VAT1L: variants seen among roughly 807,000 people sequenced by gnomAD.
The protein encoded by VAT1L is putative NADPH-dependent quinone oxidoreductase VAT1L.
A neutral mutation model predicts 44.1 loss-of-function variants in VAT1L; 34 were observed. The ratio of observed to expected loss-of-function variants is 0.77; its 90% confidence interval spans 0.59 to 1.03. VAT1L has a LOEUF of 1.03. Among genes scored for constraint, VAT1L ranks in the 50% least tolerant of loss-of-function variants. The pLI, the probability that VAT1L is intolerant of heterozygous loss-of-function variation, is 0.00. For synonymous variants in VAT1L, 253 were observed against 202.2 expected, an observed-to-expected ratio of 1.25 and a Z score of -2.13; for missense variants, 615 against 538.8, an observed-to-expected ratio of 1.14 and a Z score of -1.40.
rs1292484957 is a variant in VAT1L, at chr16:77,828,308, G to A, written c.579+2847G>A. On this transcript the variant is annotated intron_variant, in intron 3 of 8. Transcript: ENST00000302536. Reference sequence around the variant, plus strand: ...CAGGTATGACTAAAGTAAGGACGTTGAGATAGGGAGGTTATCCTGCGTTAT... The same window carrying A: ...CAGGTATGACTAAAGTAAGGACGTTAAGATAGGGAGGTTATCCTGCGTTAT... Among the ~76,000 whole-genome samples the A allele has an allele frequency of 2.0e-5, 3 of 152,216 alleles. No individual in the cohort carries two copies. In the East Asian group the frequency reaches 5.8e-4, roughly 29 times the overall value.
Position 77,935,754 on chromosome 16 carries a change from A to G in VAT1L, c.1078-36096A>G, listed in dbSNP as rs149174533. On this transcript the variant is annotated intron_variant, in intron 7 of 8. Coordinates refer to ENST00000302536, the MANE Select transcript of VAT1L (RefSeq NM_020927.3). The stretch of plus-strand genomic sequence containing the variant: ...CACTGGCTGTAATGTTAAGCTGGCC[A>G]GAATTTAAAGCTCATCTCTGGCATA... 1.8e-3 allele frequency among the ~76,000 whole-genome samples: 270 copies of G among 152,312 alleles called. 1 individual carries two copies. The highest frequency in any genetic ancestry group is 6.4e-3 in the African/African-American group (264 of 41,574).
At chr16:77,973,616 A>C (rs1266498131) in intron 8 of VAT1L, among the ~76,000 whole-genome samples, 2 of 150,506 alleles carry the variant, frequency 1.3e-5, no homozygotes, top group Non-Finnish European at 3.0e-5. Flanking sequence ...AATATTCGGG[A>C]AGTGTTTCTT....
intron 1 of VAT1L, among the ~76,000 whole-genome samples, chr16:77,816,655 A>C (rs2016360203): frequency 6.6e-6 from 1 of 152,208 alleles, no homozygotes; most frequent in African/African-American, 2.4e-5. Flanking sequence ...CTCTTGAATC[A>C]GTGTAAACTC....
At chr16:77,943,458 G>C (rs8045080) in intron 7 of VAT1L, among the ~76,000 whole-genome samples, 2 of 146,854 alleles carry the variant, frequency 1.4e-5, no homozygotes, top group East Asian at 4.2e-4. Flanking sequence ...GGAGTGCAGC[G>C]GCACCATCAC....
chr16:77,978,738 C>G lies in VAT1L; in HGVS notation c.*1043C>G, dbSNP rs1383539757. The G allele has an allele frequency of 6.6e-6, 1 of 152,134 alleles. No individual in the cohort carries two copies. The highest frequency in any genetic ancestry group is 1.5e-5 in the Non-Finnish European group (1 of 68,028). 9.4% of individuals were successfully genotyped at this position (152,134 alleles called of 1,614,324 possible). On this transcript the variant is annotated 3_prime_UTR_variant, in exon 9 of 9. Transcript: ENST00000302536. ...CTGATGTCAGATGTACAGTTCCTCC[C>G]CTCCCATATATAAACCCCGGTGTAG... is the stretch of plus-strand genomic sequence containing the variant.
At chr16:77,941,577 C>T (rs756769481) in intron 7 of VAT1L, among the ~76,000 whole-genome samples, 4 of 152,158 alleles carry the variant, frequency 2.6e-5, no homozygotes, top group Non-Finnish European at 5.9e-5. Context: ...GTTTTTAGCT[C>T]TTTGAGAAAT....
intron 3 of VAT1L, among the ~76,000 whole-genome samples, chr16:77,842,074 A>G (rs2016712475): frequency 6.6e-6 from 1 of 152,074 alleles, no homozygotes; most frequent in Non-Finnish European, 1.5e-5. Context: ...TTTTTAGTAG[A>G]GACGGGGTTT....
chr16:77,961,388 C>T (rs1597122632), intron 7 of VAT1L, among the ~76,000 whole-genome samples: 1 of 152,146 alleles, frequency 6.6e-6, no homozygotes, highest in Non-Finnish European at 1.5e-5. Context: ...CGGATCTGTT[C>T]ACCTTCTTGT....
chr16:77,913,471 A>G (rs1205594699), intron 7 of VAT1L, among the ~76,000 whole-genome samples: 1 of 151,502 alleles, frequency 6.6e-6, no homozygotes, highest in African/African-American at 2.4e-5. Context: ...CAACAAAGTT[A>G]AATCCAGTGA....
intron 7 of VAT1L, among the ~76,000 whole-genome samples, chr16:77,910,501 T>C (rs1421587372): frequency 1.3e-5 from 2 of 151,622 alleles, no homozygotes; most frequent in Non-Finnish European, 2.9e-5. Flanking sequence ...TGAAACCCCG[T>C]CTCTACTAAA....
At chr16:77,845,623 ACCTCT>A (rs2016750900) in intron 3 of VAT1L, among the ~76,000 whole-genome samples, 3 of 150,960 alleles carry the variant, frequency 2.0e-5, no homozygotes, top group Non-Finnish European at 4.4e-5. Context: ...GAACACAAAC[ACCTCT>A]CCTCATCATC....
intron 7 of VAT1L, among the ~76,000 whole-genome samples, chr16:77,925,903 G>A (rs2142497841): frequency 6.6e-6 from 1 of 152,192 alleles, no homozygotes; most frequent in African/African-American, 2.4e-5. Flanking sequence ...ATGCTTTATT[G>A]GGTCCTTGAG....
intron 7 of VAT1L, among the ~76,000 whole-genome samples, chr16:77,906,306 A>G (rs2017435877): frequency 6.6e-6 from 1 of 152,198 alleles, no homozygotes; most frequent in South Asian, 2.1e-4. Flanking sequence ...TTGGAAGCAA[A>G]ACATCACCAG....
chr16:77,962,671 C>T (rs1009034598), intron 7 of VAT1L, among the ~76,000 whole-genome samples: 2 of 150,222 alleles, frequency 1.3e-5, no homozygotes, highest in Non-Finnish European at 2.9e-5. Context: ...CGGCTTCAAT[C>T]CAGGAGTTCA....
chr16:77,958,262 G>C (rs372225855), intron 7 of VAT1L, among the ~76,000 whole-genome samples: 7 of 152,034 alleles, frequency 4.6e-5, no homozygotes, highest in African/African-American at 1.4e-4. Context: ...TTCTACTCAA[G>C]TTACTTCCTC....
intron 3 of VAT1L, among the ~76,000 whole-genome samples, chr16:77,835,604 C>T (rs182973458): frequency 3.3e-4 from 50 of 152,188 alleles, no homozygotes; most frequent in African/African-American, 9.6e-4. Flanking sequence ...TGGGTGTGGT[C>T]GCTCACACCT....
chr16:77,862,818 A>G lies in VAT1L; in HGVS notation c.650A>G (p.Lys217Arg). Residue 217 changes from lysine (K) to arginine (R), a missense_variant, in exon 4 of 9, where the codon AAG becomes AGG. By Grantham distance (26) the Lys-to-Arg change is conservative (BLOSUM62 2). Coordinates refer to ENST00000302536, the MANE Select transcript of VAT1L (RefSeq NM_020927.3). Reference sequence around the variant, plus strand: ...GTCTTTGGAACAGCCTCTACTTTCAAGCATGAAGCAATCAAAGACTCTGTG... The same window carrying G: ...GTCTTTGGAACAGCCTCTACTTTCAGGCATGAAGCAATCAAAGACTCTGTG... ...VTVFGTASTF[K>R]HEAIKDSVTH... 2 of 1,614,068 alleles carry G rather than the reference A, an allele frequency of 1.2e-6. No individual in the cohort carries two copies. Among genetic ancestry groups the G allele is most frequent in the South Asian group, 2.2e-5 (2 of 91,084 alleles).
chr16:77,946,624 A>C (rs1042649784), intron 7 of VAT1L, among the ~76,000 whole-genome samples: 3 of 152,202 alleles, frequency 2.0e-5, no homozygotes, highest in African/African-American at 7.2e-5. Flanking sequence ...TTGGAATTTT[A>C]TTTAAAAAGT....
At chr16:77,923,963 C>T (rs1416363791) in intron 7 of VAT1L, among the ~76,000 whole-genome samples, 1 of 151,762 alleles carries the variant, frequency 6.6e-6, no homozygotes, top group African/African-American at 2.4e-5. Context: ...CCCCTCCCTT[C>T]CCCCAGTAAA....
Sources: gnomAD v4.1 joint callset for allele counts (sites outside exome capture counted in the v4.1 genomes callset) on GRCh38, gnomAD v4.1.1 for gene constraint, MANE v1.5 for transcripts, NCBI Gene and HGNC (gene_info 2026-07-23, HGNC 2026-07-21) for gene names.